The following PIP5K1C variants were observed in gnomAD, a reference collection of about 807,000 sequenced individuals.
The protein encoded by PIP5K1C is phosphatidylinositol 4-phosphate 5-kinase type-1 gamma.
PIP5K1C carries 45 observed loss-of-function variants against 80.1 expected under a neutral mutation model. That is an observed-to-expected ratio of 0.56 (90% CI 0.44 to 0.72). PIP5K1C has a LOEUF of 0.72. Among genes scored for constraint, PIP5K1C ranks in the 30% least tolerant of loss-of-function variants. PIP5K1C has a pLI of 0.00. For missense variants in PIP5K1C, 753 were observed against 954.6 expected (o/e 0.79, Z 2.78); for synonymous variants, 498 against 420.1 (o/e 1.19, Z -2.27).
At position 3,633,017 on chromosome 19, in the gene PIP5K1C, C is replaced by G; in HGVS notation, c.*150G>C. The G allele has an allele frequency of 1.8e-6, 1 of 551,300 alleles. No homozygotes were observed. Among genetic ancestry groups the G allele is most frequent in the African/African-American group, 2.0e-5 (1 of 50,826 alleles). 34.2% of individuals were successfully genotyped at this position (551,300 alleles called of 1,614,324 possible). A position where few individuals can be genotyped will look rare whatever the true frequency, so the allele number is the denominator to read the frequency against. On this transcript the variant is annotated 3_prime_UTR_variant, in exon 18 of 18. Transcript: ENST00000335312. The stretch of plus-strand genomic sequence containing the variant: ...GAGGCTTGTCGGGGAGGGGCCCGGC[C>G]GTCGGCATCCGTGCAGGGGGAGGAC...
rs541820999 is a variant in PIP5K1C, at chr19:3,700,022, C to T, written c.94+275G>A. ...TCACACGACGGGCAGCCCCTGGGAGCGGGTCAGGCAGAACGGGGATCCCCA... is the reference window on the plus strand; with the variant it reads ...TCACACGACGGGCAGCCCCTGGGAGTGGGTCAGGCAGAACGGGGATCCCCA... On this transcript the variant is annotated intron_variant, in intron 1 of 17. Coordinates refer to ENST00000335312, the MANE Select transcript of PIP5K1C (RefSeq NM_012398.3). Among the ~76,000 whole-genome samples, 83 of 152,290 alleles carry T rather than the reference C, an allele frequency of 5.5e-4. 2 individuals are homozygous for T. Among genetic ancestry groups the T allele is most frequent in the Admixed American group, 2.0e-4 (3 of 15,300 alleles).
chr19:3,636,597 G>C lies in PIP5K1C; in HGVS notation c.1920+2287C>G. On this transcript the variant is annotated intron_variant, in intron 16 of 17. Coordinates refer to ENST00000335312, the MANE Select transcript of PIP5K1C (RefSeq NM_012398.3). Reference sequence around the variant, plus strand: ...AGGCCCCTCTGGGCAGCTCCTGGACGATCTCCGGGGCACGGCTTCGCGGTG... The same window carrying C: ...AGGCCCCTCTGGGCAGCTCCTGGACCATCTCCGGGGCACGGCTTCGCGGTG... The C allele has an allele frequency of 4.1e-6, 4 of 985,616 alleles. No individual in the cohort carries two copies. The South Asian group carries it at 1.9e-4, about 46-fold the overall frequency. 61.1% of individuals were successfully genotyped at this position (985,616 alleles called of 1,614,324 possible). A position where few individuals can be genotyped will look rare whatever the true frequency, so the allele number is the denominator to read the frequency against.
At chr19:3,660,825 A>G in intron 5 of PIP5K1C, 141 bp downstream of exon 5, 1 of 688,584 alleles carries the variant, frequency 1.5e-6, no homozygotes, top group Non-Finnish European at 2.7e-6. Flanking sequence ...GTCTCACAGG[A>G]GACTCCGGCC....
At chr19:3,642,262 C>T (rs986235941) in intron 14 of PIP5K1C, among the ~76,000 whole-genome samples, 5 of 152,240 alleles carry the variant, frequency 3.3e-5, no homozygotes, top group African/African-American at 1.2e-4. Context: ...GATTAAAACA[C>T]GGTTAAGAAA....
Position 3,661,135 on chromosome 19 carries a change from C to T in PIP5K1C, c.351-52G>A, listed in dbSNP as rs1051446859. On this transcript the variant is annotated intron_variant, in intron 4 of 17. Transcript: ENST00000335312. ...TGTGAGGGGTGGTGGGCACCTCTCC[C>T]CCACCCCCGCCATGGTCCCTCCTAG... is the stretch of plus-strand genomic sequence containing the variant. 12 of 1,211,606 alleles carry T rather than the reference C, an allele frequency of 9.9e-6. No individual in the cohort carries two copies. The East Asian group carries it at 2.3e-4, about 24-fold the overall frequency. The allele number at this position is 1,211,606 out of a possible 1,614,324, so 75.1% of individuals were successfully genotyped here. A position where few individuals can be genotyped will look rare whatever the true frequency, so the allele number is the denominator to read the frequency against.
intron 8 of PIP5K1C, among the ~76,000 whole-genome samples, chr19:3,651,598 C>G (rs1451242783): frequency 1.3e-5 from 2 of 152,230 alleles, no homozygotes; most frequent in African/African-American, 4.8e-5. Flanking sequence ...ATGGGAAACG[C>G]CCCCACCATT....
chr19:3,637,971 G>A lies in PIP5K1C; in HGVS notation c.1920+913C>T, dbSNP rs1173262657. 1 of 1,531,812 alleles carries A rather than the reference G, an allele frequency of 6.5e-7. No individual in the cohort carries two copies. Among genetic ancestry groups the A allele is most frequent in the African/African-American group, 1.4e-5 (1 of 73,122 alleles). 94.9% of individuals were successfully genotyped at this position (1,531,812 alleles called of 1,614,324 possible). ...ACGCGGCCCGTCCCTCCCTTCTCCA[G>A]GGCCAGGTGGGTGCATGGGGACCCC... On this transcript the variant is annotated intron_variant, in intron 16 of 17. Transcript: ENST00000335312. This position sits in a 1 kb window ranked among gnomAD's most constrained non-coding sequence, Gnocchi z 7.0.
intron 10 of PIP5K1C, 61 bp from the exon 11 acceptor site, chr19:3,646,119 C>T (rs763634864): frequency 1.0e-6 from 1 of 1,002,920 alleles, no homozygotes; most frequent in Non-Finnish European, 1.6e-6. Context: ...CAGCTGGGGA[C>T]AGCCCCAGAC....
rs752590524 is a variant in PIP5K1C, at chr19:3,667,294, A to G, written c.126+28T>C. Reference sequence around the variant, plus strand: ...GGCAGCAGGTCAGGGTGGGGACCCCAGGCCCTTCGTCCGCTCCAGACACTC... The same window carrying G: ...GGCAGCAGGTCAGGGTGGGGACCCCGGGCCCTTCGTCCGCTCCAGACACTC... On this transcript the variant is annotated intron_variant, in intron 2 of 17. Transcript: ENST00000335312. 4.5e-5 allele frequency: 72 copies of G among 1,607,532 alleles called. No individual in the cohort carries two copies. In the South Asian group the frequency reaches 7.8e-4, roughly 17 times the overall value.
intron 3 of PIP5K1C, 126 bp downstream of exon 3, chr19:3,664,696 A>T: frequency 1.2e-6 from 1 of 842,114 alleles, no homozygotes; most frequent in Non-Finnish European, 2.0e-6. Context: ...CACACAGCCC[A>T]CACCTGTCCC....
Position 3,700,465 on chromosome 19 carries a change from C to A in PIP5K1C, c.-75G>T, listed in dbSNP as rs915789428. ...ACCGCCGCCGCCGAACAACAAGCGC[C>A]GCCGGCCAAGGGAGGGCGCGCCGGG... is the stretch of plus-strand genomic sequence containing the variant. On this transcript the variant is annotated 5_prime_UTR_variant, in exon 1 of 18. Transcript: ENST00000335312. 1.2e-5 allele frequency: 10 copies of A among 837,896 alleles called. No homozygotes were observed. The African/African-American group carries it at 1.7e-4, about 14-fold the overall frequency. 51.9% of individuals were successfully genotyped at this position (837,896 alleles called of 1,614,324 possible).
At chr19:3,691,659 C>A (rs188864100) in intron 1 of PIP5K1C, among the ~76,000 whole-genome samples, 1 of 151,728 alleles carries the variant, frequency 6.6e-6, no homozygotes, top group Non-Finnish European at 1.5e-5. Context: ...TTTTCAATAG[C>A]AGTCACCTCC....
intron 1 of PIP5K1C, among the ~76,000 whole-genome samples, chr19:3,680,498 T>C (rs1480698278): frequency 6.6e-6 from 1 of 152,152 alleles, no homozygotes; most frequent in Non-Finnish European, 1.5e-5. Flanking sequence ...GAGATGGCGT[T>C]TCACCATGTT....
intron 11 of PIP5K1C, 35 bp from the exon 12 acceptor site, chr19:3,644,286 G>A: frequency 6.2e-7 from 1 of 1,601,428 alleles, no homozygotes; most frequent in Non-Finnish European, 8.5e-7. Context: ...GCTTGGGGTT[G>A]CTGGGGGCTC....
chr19:3,666,974 C>T (rs956304297), intron 2 of PIP5K1C, among the ~76,000 whole-genome samples: 3 of 152,146 alleles, frequency 2.0e-5, no homozygotes, highest in African/African-American at 7.2e-5. Context: ...CCCAGTCCCC[C>T]GGCGAGAGCT....
At chr19:3,633,404 C>T (rs776411715) in intron 17 of PIP5K1C, 33 bp downstream of exon 17, 47 of 1,385,146 alleles carry the variant, frequency 3.4e-5, no homozygotes, top group Non-Finnish European at 3.9e-5. Context: ...TTGGAGCCCA[C>T]GGGACCGGCG....
chr19:3,694,166 C>T (rs921487599), intron 1 of PIP5K1C, among the ~76,000 whole-genome samples: 12 of 149,692 alleles, frequency 8.0e-5, no homozygotes, highest in Non-Finnish European at 1.5e-4. Context: ...GAGCCGAGAA[C>T]GCGCCACTGC....
At chr19:3,677,001 C>A (rs1206172724) in intron 1 of PIP5K1C, among the ~76,000 whole-genome samples, 6 of 152,104 alleles carry the variant, frequency 3.9e-5, no homozygotes, top group African/African-American at 1.4e-4. Context: ...ACTTGGGAGG[C>A]TGAGGCGGGA....
chr19:3,669,289 C>T (rs2035122879), intron 1 of PIP5K1C, among the ~76,000 whole-genome samples: 1 of 152,222 alleles, frequency 6.6e-6, no homozygotes, highest in South Asian at 2.1e-4. Context: ...TGGCTGCCTC[C>T]CTGCTCTGGG....
Sources: gnomAD v4.1 joint callset for allele counts (sites outside exome capture counted in the v4.1 genomes callset) on GRCh38, gnomAD v4.1.1 for gene constraint, Gnocchi (gnomAD v3.1) non-coding constraint, MANE v1.5 for transcripts, NCBI Gene and HGNC (gene_info 2026-07-23, HGNC 2026-07-21) for gene names.